PCBP3: variants seen among roughly 807,000 people sequenced by gnomAD.
PCBP3 encodes poly(rC) binding protein 3.
PCBP3 carries 25 observed loss-of-function variants against 52.7 expected under a neutral mutation model. That is an observed-to-expected ratio of 0.47 (90% confidence interval 0.35 to 0.66). The LOEUF is 0.66. PCBP3 is among the 30% of genes least tolerant of loss of function. The probability of loss-of-function intolerance (pLI) is 0.01; values close to 1 mark genes in which losing one functional copy is unlikely to be tolerated. For synonymous variants in PCBP3, 162 were observed against 183.0 expected, an observed-to-expected ratio of 0.89 and a Z score of 0.93; for missense variants, 391 against 490.3, an observed-to-expected ratio of 0.80 and a Z score of 1.91.
At chr21:45,659,099 CTT>C (rs1569085348) in intron 1 of PCBP3, among the ~76,000 whole-genome samples, 2 of 145,182 alleles carry the variant, frequency 1.4e-5, no homozygotes, top group Non-Finnish European at 3.0e-5. Context: ...AAAAAAAAAA[CTT>C]TGGTTTCATT....
Position 45,809,059 on chromosome 21 carries a change from G to A in PCBP3, c.-125-40902G>A, listed in dbSNP as rs111464100. Reference sequence around the variant, plus strand: ...TGTTGGGGGGTGGGGGGCTAGGCAAGGGATAGCATTAGGAGAACTACCTAA... The same window carrying A: ...TGTTGGGGGGTGGGGGGCTAGGCAAAGGATAGCATTAGGAGAACTACCTAA... On this transcript the variant is annotated intron_variant, in intron 4 of 17. Transcript: ENST00000681687. Among the ~76,000 whole-genome samples, 741 of 152,228 alleles carry A rather than the reference G, an allele frequency of 4.9e-3. 7 individuals carry two copies. The highest frequency in any genetic ancestry group is 0.016 in the African/African-American group (679 of 41,532).
chr21:45,752,706 G>A (rs1168336500), intron 3 of PCBP3: 1 of 151,976 alleles, frequency 6.6e-6, no homozygotes, highest in Non-Finnish European at 1.5e-5. Context: ...TGTGTTTGCA[G>A]TCAAAGGGCG....
At position 45,791,771 on chromosome 21, in the gene PCBP3, G is replaced by A. The variant is rs1360010712; in HGVS notation, c.-126+36319G>A. ...AACCGCTTGACTGACTGCACAGCAA[G>A]TGTTAGGTCGTGGCACAGGGTAATT... is the stretch of plus-strand genomic sequence containing the variant. On this transcript the variant is annotated intron_variant, in intron 4 of 17. Coordinates refer to ENST00000681687, the MANE Select transcript of PCBP3 (RefSeq NM_001384156.1). This position sits in a 1 kb window ranked among gnomAD's most constrained non-coding sequence, Gnocchi z 4.2. 6.6e-6 allele frequency among the ~76,000 whole-genome samples: 1 copy of A among 152,256 alleles called. No individual in the cohort carries two copies. Among genetic ancestry groups the A allele is most frequent in the Non-Finnish European group, 1.5e-5 (1 of 68,044 alleles).
chr21:45,801,428 C>T (rs192622113), intron 4 of PCBP3, among the ~76,000 whole-genome samples: 2 of 152,226 alleles, frequency 1.3e-5, no homozygotes, highest in South Asian at 2.1e-4. Context: ...GAGCAGATGG[C>T]GGCAGCTGAG....
chr21:45,677,159 C>T (rs555855145), intron 2 of PCBP3, among the ~76,000 whole-genome samples: 1 of 152,278 alleles, frequency 6.6e-6, no homozygotes, highest in South Asian at 2.1e-4. Flanking sequence ...CCTCTTATGC[C>T]AAACAACCAG....
chr21:45,812,860 C>T (rs1402394864), intron 4 of PCBP3, among the ~76,000 whole-genome samples: 1 of 152,154 alleles, frequency 6.6e-6, no homozygotes, highest in Non-Finnish European at 1.5e-5. Context: ...ATTCCTTTGC[C>T]TCTGGCTTCC....
intron 4 of PCBP3, among the ~76,000 whole-genome samples, chr21:45,768,247 G>A (rs572233652): frequency 9.8e-5 from 15 of 152,346 alleles, no homozygotes; most frequent in African/African-American, 2.2e-4. Context: ...TGCTCCCTGC[G>A]TGGGTGGCAG....
intron 4 of PCBP3, among the ~76,000 whole-genome samples, chr21:45,814,295 G>C (rs1379377250): frequency 6.7e-6 from 1 of 149,988 alleles, no homozygotes; most frequent in African/African-American, 2.4e-5. Context: ...GAGTGAGCTA[G>C]TGAGTGGTGA....
chr21:45,864,129 G>A (rs944383681), intron 5 of PCBP3, among the ~76,000 whole-genome samples: 1 of 152,208 alleles, frequency 6.6e-6, no homozygotes, highest in Non-Finnish European at 1.5e-5. Context: ...GTATGGGAGT[G>A]TGACTCTCAC....
intron 5 of PCBP3, among the ~76,000 whole-genome samples, chr21:45,865,702 CA>C (rs1368286477): frequency 6.6e-6 from 1 of 152,214 alleles, no homozygotes; most frequent in Non-Finnish European, 1.5e-5. Flanking sequence ...CAAGGCCCTG[CA>C]GACGCCACAC....
At chr21:45,933,045 C>T (rs1458172265) in intron 15 of PCBP3, among the ~76,000 whole-genome samples, 1 of 152,058 alleles carries the variant, frequency 6.6e-6, no homozygotes, top group African/African-American at 2.4e-5. Context: ...ATCAGCCATG[C>T]CGTTCTGAGA....
At position 45,881,032 on chromosome 21, in the gene PCBP3, G is replaced by A. The variant is rs775627307; in HGVS notation, c.11-15176G>A. Among the ~76,000 whole-genome samples, 4 of 152,168 alleles carry A rather than the reference G, an allele frequency of 2.6e-5. No individual in the cohort carries two copies. In the South Asian group the frequency reaches 8.3e-4, roughly 32 times the overall value. On this transcript the variant is annotated intron_variant, in intron 5 of 17. Coordinates refer to ENST00000681687, the MANE Select transcript of PCBP3 (RefSeq NM_001384156.1). Reference sequence around the variant, plus strand: ...GAGTGGACATGCCTGGGCCAGCTGCGGGCCACAGCTGTGGCTGCTTTCCTG... The same window carrying A: ...GAGTGGACATGCCTGGGCCAGCTGCAGGCCACAGCTGTGGCTGCTTTCCTG...
At chr21:45,862,943 G>T (rs2148476895) in intron 5 of PCBP3, among the ~76,000 whole-genome samples, 1 of 152,308 alleles carries the variant, frequency 6.6e-6, no homozygotes, top group African/African-American at 2.4e-5. Context: ...TAGTTTGATG[G>T]GTGGAGCAGT....
rs969598051 is a variant in PCBP3, at chr21:45,736,958, C to T, written c.-162+1529C>T. 2.0e-5 allele frequency among the ~76,000 whole-genome samples: 3 copies of T among 151,946 alleles called. No homozygotes were observed. The highest frequency in any genetic ancestry group is 6.6e-5 in the Admixed American group (1 of 15,264). On this transcript the variant is annotated intron_variant, in intron 3 of 17. Transcript: ENST00000681687. The surrounding 1 kb of genome is among the most constrained non-coding windows in gnomAD (Gnocchi z 4.6). ...AGGCCGTCAGGTCAGCCCTGAGACACGGGGCATCTGCGCGAGTCTTGCTGG... is the reference window on the plus strand; with the variant it reads ...AGGCCGTCAGGTCAGCCCTGAGACATGGGGCATCTGCGCGAGTCTTGCTGG...
chr21:45,762,491 C>CTTTTTTTTTTTTTTTTTTTGT (rs374275789), intron 4 of PCBP3: 1 of 104,666 alleles, frequency 9.6e-6, no homozygotes, highest in Non-Finnish European at 1.9e-5. Flanking sequence ...CTTTTCTTCT[C>CTTTTTTTTTTTTTTTTTTTGT]TTTTTTTTTT....
chr21:45,886,114 A>G lies in PCBP3; in HGVS notation c.11-10094A>G, dbSNP rs77720513. On this transcript the variant is annotated intron_variant, in intron 5 of 17. Transcript: ENST00000681687. ...CGTGGTGAGGTGTGGAGGAGGCCTCATTGCCGCTGGTACCAAGGACAGAGG... is the reference window on the plus strand; with the variant it reads ...CGTGGTGAGGTGTGGAGGAGGCCTCGTTGCCGCTGGTACCAAGGACAGAGG... 9.4e-3 allele frequency among the ~76,000 whole-genome samples: 643 copies of G among 68,608 alleles called. 16 individuals carry two copies. Among genetic ancestry groups the G allele is most frequent in the South Asian group, 0.03 (40 of 1,344 alleles). 45.0% of individuals were successfully genotyped at this position (68,608 alleles called of 152,430 possible). A position where few individuals can be genotyped will look rare whatever the true frequency, so the allele number is the denominator to read the frequency against.
chr21:45,914,186 G>T, intron 12 of PCBP3, 161 bp downstream of exon 12: 2 of 1,200,168 alleles, frequency 1.7e-6, no homozygotes, highest in Non-Finnish European at 2.3e-6. Flanking sequence ...AGCACCAGGC[G>T]GACGCAGGGG....
rs1472584987 is a variant in PCBP3, at chr21:45,802,614, G to A, written c.-126+47162G>A. ...GCTGACGGAGGAGGAGGACCGGGCT[G>A]GGGGAGGATGGTGGGGCTCTAAGCA... On this transcript the variant is annotated intron_variant, in intron 4 of 17. Transcript: ENST00000681687. The surrounding 1 kb of genome is among the most constrained non-coding windows in gnomAD (Gnocchi z 5.1). Among the ~76,000 whole-genome samples, 2 of 152,166 alleles carry A rather than the reference G, an allele frequency of 1.3e-5. No homozygotes were observed. The highest frequency in any genetic ancestry group is 2.4e-5 in the African/African-American group (1 of 41,450).
At chr21:45,732,122 T>C (rs2145780169) in intron 2 of PCBP3, among the ~76,000 whole-genome samples, 1 of 152,242 alleles carries the variant, frequency 6.6e-6, no homozygotes, top group East Asian at 1.9e-4. Flanking sequence ...CTTTTTACTT[T>C]TATATTTGAA....
Sources: gnomAD v4.1 joint callset for allele counts (sites outside exome capture counted in the v4.1 genomes callset) on GRCh38, gnomAD v4.1.1 for gene constraint, Gnocchi (gnomAD v3.1) non-coding constraint, MANE v1.5 for transcripts, NCBI Gene and HGNC (gene_info 2026-07-23, HGNC 2026-07-21) for gene names.